Variants in TAFA5 observed in about 807,000 individuals in gnomAD.
The protein encoded by TAFA5 is chemokine-like protein TAFA-5.
TAFA5 carries 6 observed loss-of-function variants against 15.3 expected under a neutral mutation model. The ratio of observed to expected loss-of-function variants is 0.39; its 90% confidence interval spans 0.21 to 0.77. The LOEUF (loss-of-function observed/expected upper bound fraction) is 0.77, where lower values mean the gene tolerates loss of function less well. Among genes scored for constraint, TAFA5 ranks in the 30% least tolerant of loss-of-function variants. The pLI is 0.41. For missense variants in TAFA5, 161 were observed against 193.1 expected (o/e 0.83, Z 0.98); for synonymous variants, 103 against 80.7 (o/e 1.28, Z -1.48).
At chr22:48,732,312 G>A (rs568388640) in intron 3 of TAFA5, among the ~76,000 whole-genome samples, 10 of 152,206 alleles carry the variant, frequency 6.6e-5, no homozygotes, top group Non-Finnish European at 1.2e-4. Context: ...GTGCAGTGGC[G>A]CAATTTCGGC....
chr22:48,649,123 G>A (rs902685137), intron 2 of TAFA5, among the ~76,000 whole-genome samples: 1 of 152,172 alleles, frequency 6.6e-6, no homozygotes, highest in African/African-American at 2.4e-5. Context: ...AAGGGGCCGC[G>A]GGCTCTTGGC....
chr22:48,675,675 C>G (rs1338003758), intron 2 of TAFA5, among the ~76,000 whole-genome samples: 1 of 152,268 alleles, frequency 6.6e-6, no homozygotes, highest in Non-Finnish European at 1.5e-5. Flanking sequence ...AAAAGCCCGG[C>G]TTCCCTCTGC....
chr22:48,707,135 C>T (rs926218840), intron 2 of TAFA5, among the ~76,000 whole-genome samples: 6 of 152,082 alleles, frequency 3.9e-5, no homozygotes, highest in Non-Finnish European at 7.4e-5. Context: ...CTGGGCCGGC[C>T]CCAGGGGTCA....
chr22:48,502,746 T>TC (rs1920959965), intron 1 of TAFA5, among the ~76,000 whole-genome samples: 1 of 152,120 alleles, frequency 6.6e-6, no homozygotes, highest in Non-Finnish European at 1.5e-5. Flanking sequence ...GATTTCAAAC[T>TC]CCTGACCTCA....
chr22:48,573,211 G>T (rs958371918), intron 1 of TAFA5, among the ~76,000 whole-genome samples: 1 of 152,162 alleles, frequency 6.6e-6, no homozygotes, highest in East Asian at 1.9e-4. Flanking sequence ...CCATGCCCCT[G>T]GTTTGTTTCA....
chr22:48,534,589 G>GCC lies in TAFA5; in HGVS notation c.112+44887_112+44888dup, dbSNP rs535228465. ...CCACAGGGCCCTGGAATGTGCCTGT[G>GCC]CCCGGAGCCAAGCAGCTCCTCCTCC... On this transcript the variant is annotated intron_variant, in intron 1 of 3. Transcript: ENST00000402357. Among the ~76,000 whole-genome samples the GCC allele has an allele frequency of 1.0e-3, 157 of 152,296 alleles. 1 individual carries two copies. The highest frequency in any genetic ancestry group is 3.7e-3 in the African/African-American group (152 of 41,564).
chr22:48,579,621 G>A (rs900418939), intron 1 of TAFA5, among the ~76,000 whole-genome samples: 1 of 152,220 alleles, frequency 6.6e-6, no homozygotes, highest in Non-Finnish European at 1.5e-5. Context: ...GAAACGGCGA[G>A]AAGTATAAAA....
chr22:48,691,054 G>A (rs527910040), intron 2 of TAFA5, among the ~76,000 whole-genome samples: 4 of 152,300 alleles, frequency 2.6e-5, no homozygotes, highest in South Asian at 4.2e-4. Flanking sequence ...AAGGAGACCC[G>A]CCGTAAAGCA....
chr22:48,626,741 T>C (rs1381894941), intron 1 of TAFA5, among the ~76,000 whole-genome samples: 5 of 152,258 alleles, frequency 3.3e-5, no homozygotes, highest in Admixed American at 6.5e-5. Flanking sequence ...CATTTGATGC[T>C]TATCTAAAAG....
intron 2 of TAFA5, among the ~76,000 whole-genome samples, chr22:48,697,924 G>C (rs960151276): frequency 6.6e-6 from 1 of 151,218 alleles, no homozygotes. Flanking sequence ...GATGATGGTG[G>C]TGGTGGTGAT....
chr22:48,491,351 C>T (rs943395621), intron 1 of TAFA5, among the ~76,000 whole-genome samples: 1 of 152,108 alleles, frequency 6.6e-6, no homozygotes, highest in Non-Finnish European at 1.5e-5. Flanking sequence ...TTTGAATGCA[C>T]TTCCTGGTGG....
chr22:48,615,824 C>G (rs1422314426), intron 1 of TAFA5, among the ~76,000 whole-genome samples: 2 of 152,198 alleles, frequency 1.3e-5, no homozygotes, highest in African/African-American at 4.8e-5. Flanking sequence ...GCAGAGAACC[C>G]CCTCCCAGCC....
At chr22:48,707,476 C>T (rs1005355899) in intron 2 of TAFA5, among the ~76,000 whole-genome samples, 3 of 152,188 alleles carry the variant, frequency 2.0e-5, no homozygotes, top group African/African-American at 7.2e-5. Context: ...TCGATCATTG[C>T]TTGCTGCTCC....
chr22:48,697,246 C>G (rs1186855058), intron 2 of TAFA5, among the ~76,000 whole-genome samples: 2 of 152,108 alleles, frequency 1.3e-5, no homozygotes, highest in African/African-American at 4.8e-5. Context: ...CTAGAATTGC[C>G]ATAGGAATGA....
At chr22:48,634,516 C>A (rs892166033) in intron 1 of TAFA5, among the ~76,000 whole-genome samples, 7 of 152,106 alleles carry the variant, frequency 4.6e-5, no homozygotes, top group African/African-American at 1.4e-4. Flanking sequence ...TACTCATTCA[C>A]TCATTCACTT....
chr22:48,628,531 G>A (rs1334546911), intron 1 of TAFA5, among the ~76,000 whole-genome samples: 1 of 152,240 alleles, frequency 6.6e-6, no homozygotes, highest in Non-Finnish European at 1.5e-5. Flanking sequence ...TGCCAGGTCT[G>A]CTAAGGAGGG....
chr22:48,524,671 T>C (rs903144127), intron 1 of TAFA5, among the ~76,000 whole-genome samples: 2 of 152,136 alleles, frequency 1.3e-5, no homozygotes, highest in African/African-American at 4.8e-5. Flanking sequence ...ACACACGCCA[T>C]CTCGACAAGG....
intron 1 of TAFA5, among the ~76,000 whole-genome samples, chr22:48,579,097 G>T (rs1923931917): frequency 6.6e-6 from 1 of 151,152 alleles, no homozygotes; most frequent in African/African-American, 2.4e-5. Context: ...CTCCTTTTGT[G>T]TGGAGATAGA....
chr22:48,499,351 A>G (rs1920940985), intron 1 of TAFA5, among the ~76,000 whole-genome samples: 1 of 152,094 alleles, frequency 6.6e-6, no homozygotes, highest in Non-Finnish European at 1.5e-5. Flanking sequence ...GAGGTGGCTG[A>G]GTCCCCAAGT....
Sources: gnomAD v4.1 joint callset for allele counts (sites outside exome capture counted in the v4.1 genomes callset) on GRCh38, gnomAD v4.1.1 for gene constraint, MANE v1.5 for transcripts, NCBI Gene and HGNC (gene_info 2026-07-23, HGNC 2026-07-21) for gene names.